TUBGCP3: variants seen among roughly 807,000 people sequenced by gnomAD.
TUBGCP3 encodes the protein gamma-tubulin complex component 3.
Under a neutral mutation model 123.1 loss-of-function variants are expected in TUBGCP3, and 50 were observed. The observed-to-expected ratio is 0.41, with a 90% CI of 0.32 to 0.51. The LOEUF is 0.51. Among genes scored for constraint, TUBGCP3 ranks in the 20% least tolerant of loss-of-function variants. The probability of loss-of-function intolerance (pLI) is 0.36; values close to 1 mark genes in which losing one functional copy is unlikely to be tolerated. For synonymous variants in TUBGCP3, 405 were observed against 413.9 expected (o/e 0.98, Z 0.26); for missense variants, 882 against 1,127.0 (o/e 0.78, Z 3.11).
At chr13:112,575,823 A>G (rs1881763576) in intron 1 of TUBGCP3, among the ~76,000 whole-genome samples, 1 of 152,236 alleles carries the variant, frequency 6.6e-6, no homozygotes, top group Admixed American at 6.5e-5. Context: ...TCTGGCAGTC[A>G]GTCAACACAC....
At chr13:112,510,860 T>C (rs962554188) in intron 17 of TUBGCP3, among the ~76,000 whole-genome samples, 2 of 152,206 alleles carry the variant, frequency 1.3e-5, no homozygotes, top group African/African-American at 4.8e-5. Context: ...TCTGTATTTG[T>C]ATGTTTCACT....
At chr13:112,591,716 G>A (rs1374716557), upstream of TUBGCP3, among the ~76,000 whole-genome samples, 1 of 152,228 alleles carries the variant, frequency 6.6e-6, no homozygotes, top group Non-Finnish European at 1.5e-5. Context: ...GAAGGCAAGT[G>A]TGCATCACTG....
intron 20 of TUBGCP3, among the ~76,000 whole-genome samples, chr13:112,494,817 C>T (rs914552718): frequency 6.6e-6 from 1 of 152,226 alleles, no homozygotes; most frequent in Non-Finnish European, 1.5e-5. Context: ...TCTTTGATAA[C>T]CCATGATGTT....
chr13:112,510,328 T>G (rs1032039456), intron 17 of TUBGCP3, among the ~76,000 whole-genome samples: 1 of 151,714 alleles, frequency 6.6e-6, no homozygotes, highest in Non-Finnish European at 1.5e-5. Context: ...ATGATATTTG[T>G]TTTTTTTAGA....
chr13:112,531,462 C>T (rs896662461), intron 11 of TUBGCP3, among the ~76,000 whole-genome samples: 1 of 152,180 alleles, frequency 6.6e-6, no homozygotes, highest in African/African-American at 2.4e-5. Flanking sequence ...GACGAAGTCA[C>T]CGCGCTCATG....
At chr13:112,582,572 T>C (rs1462300241) in intron 1 of TUBGCP3, among the ~76,000 whole-genome samples, 1 of 152,206 alleles carries the variant, frequency 6.6e-6, no homozygotes, top group Non-Finnish European at 1.5e-5. Context: ...ACACTGCTGC[T>C]GCAGGGAGGC....
At chr13:112,603,022 A>C in the TUBGCP3 span, 21 of 152,356 alleles carry the variant, frequency 1.4e-4, no homozygotes, top group African/African-American at 4.8e-4. Context: ...GCACAGAAAG[A>C]GCTTGAGGCC....
At chr13:112,498,957 G>T in intron 20 of TUBGCP3, 88 bp downstream of exon 20, 3 of 1,614,096 alleles carry the variant, frequency 1.9e-6, no homozygotes, top group Non-Finnish European at 2.5e-6. Flanking sequence ...ATTTTGGCAA[G>T]AAAGTTATTT....
chr13:112,568,459 T>C lies in TUBGCP3; in HGVS notation c.184+693A>G, dbSNP rs190016193. Among the ~76,000 whole-genome samples, 11 of 151,030 alleles carry C rather than the reference T, an allele frequency of 7.3e-5. No individual in the cohort carries two copies. The East Asian group carries it at 2.0e-3, about 27-fold the overall frequency. ...CCAAATGGGCTTCTAGAACGTGTTATTACTGAGACCCAAGGCCAAATGGAC... is the reference window on the plus strand; with the variant it reads ...CCAAATGGGCTTCTAGAACGTGTTACTACTGAGACCCAAGGCCAAATGGAC... On this transcript the variant is annotated intron_variant, in intron 2 of 21. Transcript: ENST00000261965.
At chr13:112,554,708 A>G (rs1210513637) in intron 7 of TUBGCP3, among the ~76,000 whole-genome samples, 179 bp downstream of exon 7, 1 of 152,178 alleles carries the variant, frequency 6.6e-6, no homozygotes, top group Non-Finnish European at 1.5e-5. Context: ...GGGTCCCCAT[A>G]ACAAAACTGA....
chr13:112,585,398 C>T (rs929954028), intron 1 of TUBGCP3, among the ~76,000 whole-genome samples: 2 of 152,198 alleles, frequency 1.3e-5, no homozygotes, highest in African/African-American at 4.8e-5. Context: ...ATCATAAATG[C>T]TTGACAATCC....
At chr13:112,512,049 T>C (rs1034852549) in intron 17 of TUBGCP3, among the ~76,000 whole-genome samples, 2 of 152,242 alleles carry the variant, frequency 1.3e-5, no homozygotes, top group African/African-American at 2.4e-5. Context: ...CAAGAAATAA[T>C]TGAGTGTCTA....
At chr13:112,550,355 A>G (rs901000971) in intron 8 of TUBGCP3, among the ~76,000 whole-genome samples, 3 of 152,190 alleles carry the variant, frequency 2.0e-5, no homozygotes, top group African/African-American at 7.2e-5. Flanking sequence ...GGTGTATTTT[A>G]CTGCATTTAT....
chr13:112,530,032 C>T (rs1877452179), intron 11 of TUBGCP3, among the ~76,000 whole-genome samples: 1 of 152,190 alleles, frequency 6.6e-6, no homozygotes, highest in Admixed American at 6.5e-5. Flanking sequence ...ACCACTAAGG[C>T]ACAGGGTTAC....
intron 12 of TUBGCP3, 70 bp from the exon 13 acceptor site, chr13:112,527,120 C>A: frequency 7.6e-7 from 1 of 1,317,978 alleles, no homozygotes; most frequent in South Asian, 1.3e-5. Flanking sequence ...TACAAATATT[C>A]GTAAGCTACA....
In TUBGCP3 at chr13:112,553,912, C is replaced by T. The variant is rs979017785; in HGVS notation, c.966+145G>A. On this transcript the variant is annotated intron_variant, in intron 8 of 21. Coordinates refer to ENST00000261965, the MANE Select transcript of TUBGCP3 (RefSeq NM_006322.6). ...CAGCACCTACTGTGGTTTCTACTGTCTTGAGTGGACCCTGAAAGTTGACTC... is the reference window on the plus strand; with the variant it reads ...CAGCACCTACTGTGGTTTCTACTGTTTTGAGTGGACCCTGAAAGTTGACTC... 38 of 1,290,702 alleles carry T rather than the reference C, an allele frequency of 2.9e-5. No individual in the cohort carries two copies. In the African/African-American group the frequency reaches 4.9e-4, roughly 17 times the overall value. 80.0% of individuals were successfully genotyped at this position (1,290,702 alleles called of 1,614,324 possible).
intron 7 of TUBGCP3, 24 bp downstream of exon 7, chr13:112,554,863 A>C: frequency 6.7e-7 from 1 of 1,502,862 alleles, no homozygotes; most frequent in South Asian, 1.2e-5. Context: ...TGAATATTTT[A>C]ACTTAGATTT....
intron 8 of TUBGCP3, among the ~76,000 whole-genome samples, chr13:112,550,703 C>G (rs911334664): frequency 1.3e-5 from 2 of 152,238 alleles, no homozygotes; most frequent in Non-Finnish European, 2.9e-5. Context: ...GAGAAAACGA[C>G]ATGGAATCTG....
At chr13:112,589,538 A>T (rs7334670), upstream of TUBGCP3, among the ~76,000 whole-genome samples, 25,667 of 152,260 alleles carry the variant, frequency 0.17, 3,377 homozygotes, top group African/African-American at 0.36. Context: ...AGTTGGCAAA[A>T]GGAATAACTG....
Sources: gnomAD v4.1 joint callset for allele counts (sites outside exome capture counted in the v4.1 genomes callset) on GRCh38, gnomAD v4.1.1 for gene constraint, MANE v1.5 for transcripts, NCBI Gene and HGNC (gene_info 2026-07-23, HGNC 2026-07-21) for gene names.